The following NRXN3 variants were observed in gnomAD, a reference collection of about 807,000 sequenced individuals.
The protein encoded by NRXN3 is neurexin III.
In NRXN3, 32 loss-of-function variants were observed where a neutral mutation model predicts 137.6. The ratio of observed to expected loss-of-function variants is 0.23; its 90% CI spans 0.18 to 0.31. The LOEUF is 0.31. Ranked by LOEUF, NRXN3 falls within the 10% of genes least tolerant of loss-of-function variation. The probability of loss-of-function intolerance (pLI) is 1.00; values close to 1 mark genes in which losing one functional copy is unlikely to be tolerated. For synonymous variants in NRXN3, 798 were observed against 784.5 expected, an observed-to-expected ratio of 1.02 and a Z score of -0.29; for missense variants, 1,574 against 2,062.5, an observed-to-expected ratio of 0.76 and a Z score of 4.59.
At chr14:79,248,221 T>C (rs886850111) in intron 15 of NRXN3, among the ~76,000 whole-genome samples, 1 of 152,176 alleles carries the variant, frequency 6.6e-6, no homozygotes, top group African/African-American at 2.4e-5. Flanking sequence ...AAATGTGTTA[T>C]GATTTTCCAG....
At chr14:79,771,194 G>A (rs878926754) in intron 19 of NRXN3, among the ~76,000 whole-genome samples, 1 of 152,080 alleles carries the variant, frequency 6.6e-6, no homozygotes, top group Non-Finnish European at 1.5e-5. Context: ...TCTACCAGAG[G>A]TACAAGGAGG....
intron 16 of NRXN3, among the ~76,000 whole-genome samples, chr14:79,493,771 G>A (rs140371196): frequency 1.7e-3 from 260 of 152,268 alleles, no homozygotes; most frequent in Non-Finnish European, 3.1e-3. Flanking sequence ...ATGCAATTTG[G>A]TTACACAGAG....
At chr14:79,664,533 C>G (rs2098549003) in intron 17 of NRXN3, among the ~76,000 whole-genome samples, 1 of 152,086 alleles carries the variant, frequency 6.6e-6, no homozygotes, top group Non-Finnish European at 1.5e-5. Flanking sequence ...TCCTAGTAGT[C>G]ATTTTAATAG....
intron 1 of NRXN3, among the ~76,000 whole-genome samples, chr14:78,179,946 A>G (rs1273207474): frequency 1.3e-5 from 2 of 151,108 alleles, no homozygotes; most frequent in African/African-American, 4.9e-5. Context: ...CCTGGGTTCA[A>G]GGGATTCTCC....
intron 19 of NRXN3, among the ~76,000 whole-genome samples, chr14:79,764,305 G>A (rs903673170): frequency 6.6e-6 from 1 of 152,104 alleles, no homozygotes; most frequent in Admixed American, 6.5e-5. Flanking sequence ...AAAGCTGAGG[G>A]AAGGGAAGGA....
chr14:78,540,030 T>A (rs2096573462), intron 4 of NRXN3, among the ~76,000 whole-genome samples: 1 of 152,210 alleles, frequency 6.6e-6, no homozygotes, highest in African/African-American at 2.4e-5. Context: ...CTCCCAATTA[T>A]GTGGTCAATT....
In NRXN3 at chr14:78,914,159, T is replaced by A. The variant is rs73323344; in HGVS notation, c.2276-43083T>A. On this transcript the variant is annotated intron_variant, in intron 10 of 20. Transcript: ENST00000335750. ...TACTACCAGGTCTCCAACCAACACC[T>A]CATTTATTAGTCCATCTCCTGTGTG... Among the ~76,000 whole-genome samples, 268 of 152,296 alleles carry A rather than the reference T, an allele frequency of 1.8e-3. 1 individual carries two copies. The highest frequency in any genetic ancestry group is 6.2e-3 in the African/African-American group (258 of 41,574).
In NRXN3 at chr14:78,228,855, C is replaced by T. The variant is rs145577164; in HGVS notation, c.-703-13536C>T. On this transcript the variant is annotated intron_variant, in intron 1 of 20. Coordinates refer to ENST00000335750, the MANE Select transcript of NRXN3 (RefSeq NM_001330195.2). ...AAACAATGAGCAACTCCCTTTCATG[C>T]GGACGGTGATAACCTCAAGGAATGT... Among the ~76,000 whole-genome samples, 85 of 152,222 alleles carry T rather than the reference C, an allele frequency of 5.6e-4. 1 individual carries two copies. The East Asian group carries it at 0.012, about 22-fold the overall frequency.
At chr14:78,799,422 G>A (rs762599584) in intron 8 of NRXN3, among the ~76,000 whole-genome samples, 4 of 152,206 alleles carry the variant, frequency 2.6e-5, no homozygotes, top group Admixed American at 2.0e-4. Flanking sequence ...ATCTCAGCCT[G>A]AATTTCATTG....
At chr14:78,363,617 C>T (rs2085463552) in intron 4 of NRXN3, among the ~76,000 whole-genome samples, 3 of 152,118 alleles carry the variant, frequency 2.0e-5, no homozygotes, top group Non-Finnish European at 4.4e-5. Flanking sequence ...CATTGCAGTG[C>T]TCCACTCAGG....
At chr14:79,193,871 C>T (rs1031304907) in intron 15 of NRXN3, among the ~76,000 whole-genome samples, 8 of 152,180 alleles carry the variant, frequency 5.3e-5, no homozygotes, top group Admixed American at 2.6e-4. Flanking sequence ...CTCTGACTAG[C>T]GCTGCCCTAC....
intron 15 of NRXN3, among the ~76,000 whole-genome samples, chr14:79,194,064 A>G (rs1227210028): frequency 6.6e-6 from 1 of 152,240 alleles, no homozygotes; most frequent in Non-Finnish European, 1.5e-5. Flanking sequence ...TAATGTAATT[A>G]GCGCAATTTT....
At chr14:78,842,629 A>G (rs1252655317) in intron 10 of NRXN3, among the ~76,000 whole-genome samples, 3 of 152,130 alleles carry the variant, frequency 2.0e-5, no homozygotes, top group Non-Finnish European at 4.4e-5. Context: ...ACTAAAATTT[A>G]TTAGGTGGGA....
chr14:79,724,559 T>C, intron 19 of NRXN3, among the ~76,000 whole-genome samples: 1 of 152,200 alleles, frequency 6.6e-6, no homozygotes, highest in Admixed American at 6.6e-5. Flanking sequence ...CAGATGCTGC[T>C]ATACATTTTA....
rs140106263 is a variant in NRXN3 at position 79,382,502 on chromosome 14, T to C, written c.3263-84719T>C. Among the ~76,000 whole-genome samples the C allele has an allele frequency of 6.6e-3, 1,004 of 152,296 alleles. 5 individuals are homozygous for C. Among genetic ancestry groups the C allele is most frequent in the African/African-American group, 0.023 (955 of 41,564 alleles). ...TGTTCTGTCAGTCGGTTGTCTGTGA[T>C]AAGCCATCTCCTCTCTCAGAACAAT... On this transcript the variant is annotated intron_variant, in intron 15 of 20. Coordinates refer to ENST00000335750, the MANE Select transcript of NRXN3 (RefSeq NM_001330195.2).
chr14:78,760,659 C>T (rs947393307), intron 8 of NRXN3, among the ~76,000 whole-genome samples: 12 of 151,920 alleles, frequency 7.9e-5, no homozygotes, highest in African/African-American at 1.7e-4. Flanking sequence ...TATCAGAAAT[C>T]GTCACTTCCT....
At chr14:79,098,499 G>T (rs772442754) in intron 15 of NRXN3, among the ~76,000 whole-genome samples, 1 of 152,126 alleles carries the variant, frequency 6.6e-6, no homozygotes, top group South Asian at 2.1e-4. Flanking sequence ...CTGGCTCCGG[G>T]TTTGCTGTGT....
At chr14:78,291,364 C>G (rs2075786854) in intron 3 of NRXN3, among the ~76,000 whole-genome samples, 1 of 152,192 alleles carries the variant, frequency 6.6e-6, no homozygotes, top group Non-Finnish European at 1.5e-5. Context: ...TGATAAACAA[C>G]CAGCAGATAT....
At chr14:78,507,215 C>T (rs532417988) in intron 4 of NRXN3, among the ~76,000 whole-genome samples, 40 of 152,244 alleles carry the variant, frequency 2.6e-4, no homozygotes, top group African/African-American at 9.4e-4. Context: ...AAAACGAATC[C>T]ATGGGTTGAA....
Sources: allele counts gnomAD v4.1 joint callset (sites outside exome capture counted in the v4.1 genomes callset), GRCh38; gene constraint gnomAD v4.1.1; transcripts MANE v1.5; gene names NCBI Gene and HGNC (gene_info 2026-07-23, HGNC 2026-07-21).